TRAPPC12: variants seen among roughly 807,000 people sequenced by gnomAD.
TRAPPC12 encodes TPR repeat protein 15.
In TRAPPC12, 61 loss-of-function variants were observed where a neutral mutation model predicts 69.2. That is an observed-to-expected ratio of 0.88 (90% CI 0.72 to 1.09). The LOEUF is 1.09. TRAPPC12 is among the 50% of genes least tolerant of loss of function. TRAPPC12 has a pLI of 0.00. For synonymous variants in TRAPPC12, 469 were observed against 438.9 expected, an observed-to-expected ratio of 1.07 and a Z score of -0.86; for missense variants, 1,101 against 1,016.4, an observed-to-expected ratio of 1.08 and a Z score of -1.13.
chr2:3,477,186 C>T (rs914628685), intron 9 of TRAPPC12, among the ~76,000 whole-genome samples: 12 of 152,108 alleles, frequency 7.9e-5, no homozygotes, highest in Non-Finnish European at 1.5e-4. Context: ...TCCTGACATG[C>T]GTGATAAGAG....
At chr2:3,436,515 TATTA>T (rs1242324968) in intron 5 of TRAPPC12, among the ~76,000 whole-genome samples, 3 of 152,246 alleles carry the variant, frequency 2.0e-5, no homozygotes, top group Non-Finnish European at 2.9e-5. Flanking sequence ...GCATTTTTAT[TATTA>T]ATAAGTATAA....
At chr2:3,389,230 G>A (rs1229509677) in intron 2 of TRAPPC12, among the ~76,000 whole-genome samples, 2 of 152,220 alleles carry the variant, frequency 1.3e-5, no homozygotes, top group East Asian at 1.9e-4. Flanking sequence ...CGTGGTCGGC[G>A]ATGCCCCTGC....
chr2:3,436,138 A>G (rs1663762822), intron 5 of TRAPPC12, among the ~76,000 whole-genome samples: 1 of 152,230 alleles, frequency 6.6e-6, no homozygotes, highest in African/African-American at 2.4e-5. Flanking sequence ...GGCACAGGTG[A>G]TAAGACTGCA....
chr2:3,444,214 C>T (rs570674461), intron 6 of TRAPPC12, among the ~76,000 whole-genome samples: 2 of 152,360 alleles, frequency 1.3e-5, no homozygotes, highest in South Asian at 4.1e-4. Flanking sequence ...CAGACCACCC[C>T]TGTGTCCCAC....
At chr2:3,429,285 T>C (rs1663293875) in intron 5 of TRAPPC12, among the ~76,000 whole-genome samples, 1 of 152,186 alleles carries the variant, frequency 6.6e-6, no homozygotes. Flanking sequence ...CTGTTCTGTC[T>C]AGAATTGTCA....
intron 9 of TRAPPC12, among the ~76,000 whole-genome samples, chr2:3,470,417 C>A (rs1370310969): frequency 1.3e-5 from 2 of 152,280 alleles, no homozygotes; most frequent in Non-Finnish European, 2.9e-5. Flanking sequence ...GCACTGCGTG[C>A]TGTCCGCCCT....
intron 7 of TRAPPC12, chr2:3,459,905 G>A: frequency 2.8e-6 from 1 of 354,700 alleles, no homozygotes; most frequent in South Asian, 2.3e-5. Flanking sequence ...GCCTTGTCGA[G>A]CTGCAGGCAA....
intron 1 of TRAPPC12, among the ~76,000 whole-genome samples, chr2:3,382,365 C>G (rs980851722): frequency 9.9e-5 from 15 of 152,228 alleles, no homozygotes; most frequent in African/African-American, 3.6e-4. Context: ...GATCTCCTGA[C>G]CTCGTGGTCC....
At chr2:3,406,772 A>G (rs899869484) in intron 3 of TRAPPC12, among the ~76,000 whole-genome samples, 1 of 152,194 alleles carries the variant, frequency 6.6e-6, no homozygotes, top group Non-Finnish European at 1.5e-5. Context: ...ACAGGGCTTT[A>G]TAATAATGGG....
intron 3 of TRAPPC12, among the ~76,000 whole-genome samples, chr2:3,402,910 T>C (rs114706545): frequency 0.025 from 3,854 of 152,276 alleles, 81 homozygotes; most frequent in Non-Finnish European, 0.037. Flanking sequence ...AGCAAAGCCA[T>C]GCTCCCATGC....
At chr2:3,433,456 G>A (rs976274549) in intron 5 of TRAPPC12, among the ~76,000 whole-genome samples, 4 of 152,058 alleles carry the variant, frequency 2.6e-5, no homozygotes, top group Non-Finnish European at 5.9e-5. Flanking sequence ...GCGGCCTCAC[G>A]GCAACCTAGC....
intron 2 of TRAPPC12, among the ~76,000 whole-genome samples, chr2:3,390,658 G>C (rs899350864): frequency 1.1e-4 from 17 of 152,196 alleles, no homozygotes; most frequent in Admixed American, 1.1e-3. Context: ...CTTTAATGCT[G>C]GGTACATGTT....
chr2:3,383,554 C>G (rs966329278), intron 1 of TRAPPC12, among the ~76,000 whole-genome samples: 1 of 151,736 alleles, frequency 6.6e-6, no homozygotes. Flanking sequence ...TTACAGGTGC[C>G]CGCCACCACA....
intron 9 of TRAPPC12, among the ~76,000 whole-genome samples, chr2:3,477,112 C>A (rs371726945): frequency 7.2e-5 from 11 of 152,214 alleles, no homozygotes; most frequent in Non-Finnish European, 1.5e-4. Flanking sequence ...CTTCCACCCC[C>A]CAGGCCTCCT....
rs753105445 is a variant in TRAPPC12 at position 3,443,851 on chromosome 2, C to G, written c.1490C>G (p.Ser497Trp). ...LQQYLGNPQE[S>W]LDRLHKVKTV... Reference sequence around the variant, plus strand: ...CAGTACCTGGGGAACCCACAGGAGTCGCTGGATAGACTGCACAAGGTGAAG... The same window carrying G: ...CAGTACCTGGGGAACCCACAGGAGTGGCTGGATAGACTGCACAAGGTGAAG... The change falls in exon 6 of 12, where the codon TCG (serine) becomes TGG (tryptophan). Residue 497 changes from serine to tryptophan, a missense_variant. By Grantham distance (177) the Ser-to-Trp change is radical. Transcript: ENST00000324266. The G allele has an allele frequency of 6.2e-7, 1 of 1,614,068 alleles. No homozygotes were observed. Among genetic ancestry groups the G allele is most frequent in the African/African-American group, 1.3e-5 (1 of 75,034 alleles).
At chr2:3,459,662 G>A (rs1208194142) in intron 7 of TRAPPC12, among the ~76,000 whole-genome samples, 1 of 152,242 alleles carries the variant, frequency 6.6e-6, no homozygotes, top group Non-Finnish European at 1.5e-5. Context: ...TGTGGCAGCA[G>A]GTGCTAGGGA....
intron 6 of TRAPPC12, among the ~76,000 whole-genome samples, chr2:3,448,999 T>C (rs930671570): frequency 3.9e-5 from 6 of 152,238 alleles, no homozygotes; most frequent in African/African-American, 7.2e-5. Flanking sequence ...TTTAGGATCT[T>C]TACAAACGAG....
chr2:3,404,924 A>G (rs1661646374), intron 3 of TRAPPC12, among the ~76,000 whole-genome samples: 1 of 152,116 alleles, frequency 6.6e-6, no homozygotes, highest in Non-Finnish European at 1.5e-5. Context: ...TGAAACCACA[A>G]GAAGATTAGT....
intron 5 of TRAPPC12, among the ~76,000 whole-genome samples, chr2:3,438,987 T>C (rs568707724): frequency 6.6e-6 from 1 of 152,178 alleles, no homozygotes; most frequent in Non-Finnish European, 1.5e-5. Context: ...CTGGATCTTA[T>C]GGTAAAAGTA....
Sources: gnomAD v4.1 joint callset for allele counts (sites outside exome capture counted in the v4.1 genomes callset) on GRCh38, gnomAD v4.1.1 for gene constraint, MANE v1.5 for transcripts, NCBI Gene and HGNC (gene_info 2026-07-23, HGNC 2026-07-21) for gene names.